Variants in ITGB1BP1 observed in about 807,000 individuals in gnomAD.
The protein encoded by ITGB1BP1 is integrin beta-1-binding protein 1.
A neutral mutation model predicts 28.0 loss-of-function variants in ITGB1BP1; 20 were observed. The observed-to-expected ratio is 0.71, with a 90% CI of 0.50 to 1.04. The LOEUF (loss-of-function observed/expected upper bound fraction) is 1.04. Among genes scored for constraint, ITGB1BP1 ranks in the 50% least tolerant of loss-of-function variants. ITGB1BP1 has a pLI of 0.00. For missense variants in ITGB1BP1, 228 were observed against 242.5 expected (o/e 0.94, Z 0.40); for synonymous variants, 103 against 89.5 (o/e 1.15, Z -0.85).
At chr2:9,410,760 A>G (rs976534196) in intron 4 of ITGB1BP1, among the ~76,000 whole-genome samples, 1 of 151,868 alleles carries the variant, frequency 6.6e-6, no homozygotes, top group Non-Finnish European at 1.5e-5. Context: ...TTTTTTTTGT[A>G]GAAATGAGGT....
At chr2:9,410,355 C>G (rs1678195579) in intron 4 of ITGB1BP1, among the ~76,000 whole-genome samples, 1 of 151,774 alleles carries the variant, frequency 6.6e-6, no homozygotes, top group Admixed American at 6.7e-5. Flanking sequence ...CCTTGGCCTT[C>G]TGAGTATCTG....
chr2:9,417,367 G>A (rs1467569934), intron 2 of ITGB1BP1, among the ~76,000 whole-genome samples: 1 of 151,136 alleles, frequency 6.6e-6, no homozygotes, highest in Non-Finnish European at 1.5e-5. Flanking sequence ...ATGCCACCAA[G>A]AAAACAAGGC....
Position 9,408,213 on chromosome 2 carries a change from GTAAAAA to G in ITGB1BP1, c.289-14_289-9del. ...AGGCAACTTTCCATCTTGCTTTAAA[GTAAAAA>G]TAAATTCCATGATAAAGATTAAAAT... is the stretch of plus-strand genomic sequence containing the variant. On this transcript the variant is annotated splice_polypyrimidine_tract_variant and intron_variant, in intron 4 of 6. Coordinates refer to ENST00000355346, the MANE Select transcript of ITGB1BP1 (RefSeq NM_004763.5). 1.3e-6 allele frequency: 2 copies of G among 1,506,428 alleles called. No individual in the cohort carries two copies. Among genetic ancestry groups the G allele is most frequent in the South Asian group, 1.1e-5 (1 of 87,720 alleles). The allele number at this position is 1,506,428 out of a possible 1,614,324, so 93.3% of individuals were successfully genotyped here.
rs1052303363 is a variant in ITGB1BP1 at position 9,404,530 on chromosome 2, G to A, written c.*2304C>T. 6.6e-6 allele frequency: 1 copy of A among 152,300 alleles called. No individual in the cohort carries two copies. Among genetic ancestry groups the A allele is most frequent in the South Asian group, 2.1e-4 (1 of 4,834 alleles). The allele number at this position is 152,300 out of a possible 1,614,324, so 9.4% of individuals were successfully genotyped here. ...TGTCATACCTCTATTTAGTAATTGC[G>A]AGGGTAAGATTCATAGTAGGAATAT... is the stretch of plus-strand genomic sequence containing the variant. On this transcript the variant is annotated 3_prime_UTR_variant, in exon 7 of 7. Coordinates refer to ENST00000355346, the MANE Select transcript of ITGB1BP1 (RefSeq NM_004763.5).
Position 9,407,013 on chromosome 2 carries a change from A to G in ITGB1BP1, c.532-108T>C. 5 of 812,172 alleles carry G rather than the reference A, an allele frequency of 6.2e-6. No individual in the cohort carries two copies. In the East Asian group the frequency reaches 1.3e-4, roughly 21 times the overall value. The allele number at this position is 812,172 out of a possible 1,614,324, so 50.3% of individuals were successfully genotyped here. ...GACCCTCTTAAGACCTCTCCTAAGC[A>G]AGCCGACCACACATGCCTGCCTGGG... On this transcript the variant is annotated intron_variant, in intron 6 of 6. Transcript: ENST00000355346.
chr2:9,412,290 T>C lies in ITGB1BP1; in HGVS notation c.267A>G (p.Ile89Met), dbSNP rs148262207. 1 of 1,610,764 alleles carries C rather than the reference T, an allele frequency of 6.2e-7. No individual in the cohort carries two copies. Among genetic ancestry groups the C allele is most frequent in the African/African-American group, 1.3e-5 (1 of 74,720 alleles). Residue 89 changes from isoleucine (I) to methionine (M), a missense_variant, in exon 4 of 7, where the codon ATA becomes ATG. Physicochemically the swap from Ile to Met is conservative, Grantham distance 10. Transcript: ENST00000355346. ...GKGLEGPLDL[I>M]NYIDVAQQDG... ...TTACCTGGGCAACGTCTATATAATT[T>C]ATCAGGTCTAATGGCCCTTCAAGGC...
chr2:9,407,197 C>A, intron 6 of ITGB1BP1: 1 of 603,562 alleles, frequency 1.7e-6, no homozygotes. Context: ...CTGGAGGATA[C>A]ATTTTTCCTC....
chr2:9,406,790 A>G lies in ITGB1BP1; in HGVS notation c.*44T>C. The G allele has an allele frequency of 7.6e-7, 1 of 1,318,128 alleles. No homozygotes were observed. Among genetic ancestry groups the G allele is most frequent in the Non-Finnish European group, 1.1e-6 (1 of 909,686 alleles). 81.7% of individuals were successfully genotyped at this position (1,318,128 alleles called of 1,614,324 possible). ...CATTTCAGCATTGCAGTTTGAAAAC[A>G]GCTGAACTTTCAGATGAAGTTGACT... On this transcript the variant is annotated 3_prime_UTR_variant, in exon 7 of 7. Transcript: ENST00000355346.
intron 4 of ITGB1BP1, among the ~76,000 whole-genome samples, chr2:9,410,075 GA>G (rs930484550): frequency 2.0e-5 from 3 of 152,122 alleles, no homozygotes; most frequent in Non-Finnish European, 4.4e-5. Context: ...TCTATCTCCT[GA>G]CCTCATGATT....
At chr2:9,423,014 T>C (rs1337304224) in intron 1 of ITGB1BP1, 4 of 989,968 alleles carry the variant, frequency 4.0e-6, no homozygotes, top group Middle Eastern at 5.2e-4. Flanking sequence ...GTGCGGAGGA[T>C]GTGACAGCGA....
chr2:9,418,489 A>T, intron 2 of ITGB1BP1, 137 bp downstream of exon 2: 1 of 710,366 alleles, frequency 1.4e-6, no homozygotes, highest in Admixed American at 2.2e-5. Flanking sequence ...CTCTAGTGCA[A>T]AAAGTAAATG....
chr2:9,417,249 A>T (rs1384812264), intron 2 of ITGB1BP1, among the ~76,000 whole-genome samples: 4 of 151,778 alleles, frequency 2.6e-5, no homozygotes, highest in Admixed American at 1.3e-4. Context: ...GCTGTCCCCC[A>T]AACACACAGG....
intron 2 of ITGB1BP1, among the ~76,000 whole-genome samples, chr2:9,416,944 G>A (rs1040555523): frequency 6.6e-6 from 1 of 151,814 alleles, no homozygotes; most frequent in East Asian, 1.9e-4. Flanking sequence ...CATCATCATC[G>A]ATCCATGGGT....
intron 3 of ITGB1BP1, 52 bp downstream of exon 3, chr2:9,414,126 G>T: frequency 6.9e-7 from 1 of 1,458,482 alleles, no homozygotes; most frequent in South Asian, 1.2e-5. Flanking sequence ...GTAAAACCAC[G>T]TGAACATCAA....
At chr2:9,412,132 T>G in intron 4 of ITGB1BP1, 137 bp downstream of exon 4, 2 of 672,222 alleles carry the variant, frequency 3.0e-6, no homozygotes, top group Non-Finnish European at 5.2e-6. Flanking sequence ...ACATGTGCGG[T>G]GGTGATGCGG....
chr2:9,407,420 A>G, intron 6 of ITGB1BP1, 29 bp downstream of exon 6: 1 of 1,613,754 alleles, frequency 6.2e-7, no homozygotes, highest in Non-Finnish European at 8.5e-7. Context: ...TTGATGGGCA[A>G]GCAGCTAACC....
intron 2 of ITGB1BP1, among the ~76,000 whole-genome samples, chr2:9,417,806 G>A (rs1383279225): frequency 7.0e-6 from 1 of 142,428 alleles, no homozygotes; most frequent in African/African-American, 2.7e-5. Flanking sequence ...TCTTCCCCCC[G>A]TGTTAGTTTC....
rs1198539229 is a variant in ITGB1BP1 at position 9,405,605 on chromosome 2, A to G, written c.*1229T>C. The G allele has an allele frequency of 6.6e-6, 1 of 152,656 alleles. No homozygotes were observed. The highest frequency in any genetic ancestry group is 2.4e-5 in the African/African-American group (1 of 41,460). 9.5% of individuals were successfully genotyped at this position (152,656 alleles called of 1,614,324 possible). A position where few individuals can be genotyped will look rare whatever the true frequency, so the allele number is the denominator to read the frequency against. On this transcript the variant is annotated 3_prime_UTR_variant, in exon 7 of 7. Coordinates refer to ENST00000355346, the MANE Select transcript of ITGB1BP1 (RefSeq NM_004763.5). Reference sequence around the variant, plus strand: ...CCTTAATGCAGTGATTTATAATTAGAGCATGTTTAATAAGTTTACTCTTCT... The same window carrying G: ...CCTTAATGCAGTGATTTATAATTAGGGCATGTTTAATAAGTTTACTCTTCT...
Position 9,408,169 on chromosome 2 carries a change from C to A in ITGB1BP1, c.325G>T (p.Glu109Ter). Residue 109 changes from glutamate (E) to a stop codon, truncating the protein, a stop_gained, in exon 5 of 7, where the codon GAA (glutamate) becomes TAA (stop). Coordinates refer to ENST00000355346, the MANE Select transcript of ITGB1BP1 (RefSeq NM_004763.5). LOFTEE classifies it high-confidence loss of function. ...TACTTGGAAACTCCCATAATAAATT[C>A]TTCCTCCGGAGGAACAAAAGGCAAC... is the stretch of plus-strand genomic sequence containing the variant. ...GKLPFVPPEE[E>*]FIMGVSKYGI... The A allele has an allele frequency of 6.2e-7, 1 of 1,602,768 alleles. No individual in the cohort carries two copies. Among genetic ancestry groups the A allele is most frequent in the Non-Finnish European group, 8.5e-7 (1 of 1,170,030 alleles).
Sources: allele counts gnomAD v4.1 joint callset (sites outside exome capture counted in the v4.1 genomes callset), GRCh38; gene constraint gnomAD v4.1.1; transcripts MANE v1.5; gene names NCBI Gene and HGNC (gene_info 2026-07-23, HGNC 2026-07-21).